The following HEPH variants were observed in gnomAD, a reference collection of about 807,000 sequenced individuals.
HEPH encodes hephaestin.
A neutral mutation model predicts 80.8 loss-of-function variants in HEPH; 69 were observed. The ratio of observed to expected loss-of-function variants is 0.85; its 90% CI spans 0.70 to 1.04. The LOEUF is 1.04. Among genes scored for constraint, HEPH ranks in the 50% least tolerant of loss-of-function variants. The probability of loss-of-function intolerance (pLI) is 0.00; values close to 1 mark genes in which losing one functional copy is unlikely to be tolerated. For missense variants in HEPH, 1,115 were observed against 891.3 expected (o/e 1.25, Z -3.20); for synonymous variants, 431 against 322.8 (o/e 1.34, Z -3.60).
chrX:66,267,605 T>A (rs1190117271), downstream of HEPH: 1 of 111,128 alleles, frequency 9.0e-6, no homozygotes, highest in Non-Finnish European at 1.9e-5. Context: ...ATGACAAAAA[T>A]TTTCTGAGTG....
At chrX:66,224,361 G>T (rs1468204310) in intron 15 of HEPH, among the ~76,000 whole-genome samples, 1 of 108,777 alleles carries the variant, frequency 9.2e-6, no homozygotes, top group Non-Finnish European at 1.9e-5. Flanking sequence ...AGGAACCATT[G>T]ATTGTCCTGT....
chrX:66,167,087 TAA>T (rs1403173765), intron 1 of HEPH, among the ~76,000 whole-genome samples: 1 of 111,711 alleles, frequency 9.0e-6, no homozygotes, highest in Non-Finnish European at 1.9e-5. Flanking sequence ...ATTTGAAAAA[TAA>T]AGACACTGTG....
chrX:66,220,887 G>T (rs999786489), intron 15 of HEPH, among the ~76,000 whole-genome samples: 1 of 110,962 alleles, frequency 9.0e-6, no homozygotes, highest in Non-Finnish European at 1.9e-5. Flanking sequence ...ACCTTGCATA[G>T]GATAGCATGA....
intron 15 of HEPH, among the ~76,000 whole-genome samples, chrX:66,251,938 G>T (rs944843390): frequency 1.8e-5 from 2 of 112,079 alleles, no homozygotes; most frequent in Admixed American, 1.9e-4. Context: ...ATGTGGCATG[G>T]TTTACTTTGT....
intron 15 of HEPH, among the ~76,000 whole-genome samples, chrX:66,243,908 A>T (rs1355328332): frequency 9.0e-6 from 1 of 111,583 alleles, no homozygotes; most frequent in African/African-American, 3.3e-5. Context: ...GGATCTTAGG[A>T]TCTTATTTCT....
chrX:66,189,546 G>A lies in HEPH; in HGVS notation c.809-138G>A, dbSNP rs961616352. The A allele has an allele frequency of 6.0e-5, 37 of 618,495 alleles. No individual in the cohort carries two copies. In the African/African-American group the frequency reaches 7.2e-4, roughly 12 times the overall value. The allele number at this position is 618,495 out of a possible 1,213,427, so 51.0% of individuals were successfully genotyped here. Reference sequence around the variant, plus strand: ...CTCAGGGATGTTTTTGAGATTTAAAGAAGATAATACATAGGTCAACACAGT... The same window carrying A: ...CTCAGGGATGTTTTTGAGATTTAAAAAAGATAATACATAGGTCAACACAGT... On this transcript the variant is annotated intron_variant, in intron 5 of 20. Transcript: ENST00000343002.
chrX:66,229,713 C>T (rs2090041420), intron 15 of HEPH, among the ~76,000 whole-genome samples: 1 of 111,986 alleles, frequency 8.9e-6, no homozygotes, highest in African/African-American at 3.2e-5. Flanking sequence ...TTCTAATAAG[C>T]TTTGATAAGC....
chrX:66,267,004 G>A lies in HEPH; in HGVS notation c.*332G>A. On this transcript the variant is annotated 3_prime_UTR_variant, in exon 21 of 21. Transcript: ENST00000343002. The stretch of plus-strand genomic sequence containing the variant: ...AGAAATGTATCCTTCTCACAAAGTA[G>A]AGACCAAGAGAAAAACTCATTGATT... 1 of 182,092 alleles carries A rather than the reference G, an allele frequency of 5.5e-6. No homozygotes were observed. The highest frequency in any genetic ancestry group is 1.0e-5 in the Non-Finnish European group (1 of 98,142). The allele number at this position is 182,092 out of a possible 1,213,427, so 15.0% of individuals were successfully genotyped here.
chrX:66,224,369 T>C (rs928295700), intron 15 of HEPH, among the ~76,000 whole-genome samples: 18 of 110,661 alleles, frequency 1.6e-4, no homozygotes, highest in African/African-American at 5.6e-4. Flanking sequence ...TTGATTGTCC[T>C]GTCCTGAAGG....
chrX:66,212,074 T>C (rs1225741310), intron 15 of HEPH, among the ~76,000 whole-genome samples: 3 of 110,786 alleles, frequency 2.7e-5, no homozygotes, highest in Non-Finnish European at 5.7e-5. Flanking sequence ...GGTTTTAATG[T>C]GCATTTCCCT....
chrX:66,195,753 G>GT (rs1215835282), intron 9 of HEPH, among the ~76,000 whole-genome samples: 2 of 111,196 alleles, frequency 1.8e-5, no homozygotes, highest in East Asian at 2.8e-4. Flanking sequence ...GGACATGTAG[G>GT]TTTTTTTCAG....
rs148057253 is a variant in HEPH, at chrX:66,209,155, A to G, written c.2563+909A>G. On this transcript the variant is annotated intron_variant, in intron 15 of 20. Transcript: ENST00000343002. ...ATGATAGAAACAGGTAAAACTGGTA[A>G]CTATAATCCAGTGTGTTAAGTGTTA... 3.0e-3 allele frequency among the ~76,000 whole-genome samples: 332 copies of G among 111,847 alleles called. 4 individuals are homozygous for G. In the East Asian group the frequency reaches 0.075, roughly 25 times the overall value.
chrX:66,225,822 G>T (rs1250718670), intron 15 of HEPH, among the ~76,000 whole-genome samples: 1 of 112,497 alleles, frequency 8.9e-6, no homozygotes, highest in East Asian at 2.8e-4. Flanking sequence ...CTTGCTTCCT[G>T]GTCAAGGAAC....
chrX:66,228,975 T>C (rs759788308), intron 15 of HEPH, among the ~76,000 whole-genome samples: 3 of 112,491 alleles, frequency 2.7e-5, no homozygotes, highest in African/African-American at 9.7e-5. Context: ...GTGTGAAGAT[T>C]CCTTAAAGAA....
chrX:66,201,103 T>A (rs750721585), intron 12 of HEPH, among the ~76,000 whole-genome samples: 2 of 110,695 alleles, frequency 1.8e-5, no homozygotes, highest in Non-Finnish European at 3.8e-5. Context: ...GGGAGGAAGG[T>A]CAATAAAATG....
chrX:66,239,808 A>G (rs1243929610), intron 15 of HEPH, among the ~76,000 whole-genome samples: 3 of 112,296 alleles, frequency 2.7e-5, no homozygotes, highest in South Asian at 3.7e-4. Context: ...AATGAGTCAT[A>G]TATCTACCAT....
intron 15 of HEPH, among the ~76,000 whole-genome samples, chrX:66,208,875 C>G (rs1405367436): frequency 9.3e-6 from 1 of 107,752 alleles, no homozygotes; most frequent in African/African-American, 3.4e-5. Flanking sequence ...ACCTAGGCCA[C>G]AAGCTGATCA....
chrX:66,223,136 G>A (rs943441358), intron 15 of HEPH, among the ~76,000 whole-genome samples: 3 of 111,393 alleles, frequency 2.7e-5, no homozygotes, highest in Non-Finnish European at 5.7e-5. Context: ...TGATAAGAAG[G>A]TGATCTTCAG....
chrX:66,219,745 G>T (rs2089558193), intron 15 of HEPH, among the ~76,000 whole-genome samples: 2 of 111,605 alleles, frequency 1.8e-5, no homozygotes, highest in South Asian at 7.6e-4. Flanking sequence ...ACCTGTCTTT[G>T]TAGGCAGTAG....
Sources: allele counts gnomAD v4.1 joint callset (sites outside exome capture counted in the v4.1 genomes callset), GRCh38; gene constraint gnomAD v4.1.1; transcripts MANE v1.5; gene names NCBI Gene and HGNC (gene_info 2026-07-23, HGNC 2026-07-21).